Variants in ZBTB20 observed in about 807,000 individuals in gnomAD.
The protein encoded by ZBTB20 is zinc finger and BTB domain-containing protein 20.
In ZBTB20, 9 loss-of-function variants were observed where a neutral mutation model predicts 56.9. The observed-to-expected ratio is 0.16, with a 90% CI of 0.10 to 0.28. ZBTB20 has a LOEUF of 0.28. Among genes scored for constraint, ZBTB20 ranks in the 10% least tolerant of loss-of-function variants. ZBTB20 has a pLI of 1.00. For missense variants in ZBTB20, 655 were observed against 1,003.0 expected, an observed-to-expected ratio of 0.65 and a Z score of 4.69; for synonymous variants, 417 against 420.7, an observed-to-expected ratio of 0.99 and a Z score of 0.11.
chr3:114,605,184 G>C (rs1227101443), intron 6 of ZBTB20, among the ~76,000 whole-genome samples: 1 of 152,008 alleles, frequency 6.6e-6, no homozygotes, highest in East Asian at 1.9e-4. Flanking sequence ...AAATGTAATA[G>C]TATAATTTTT....
intron 2 of ZBTB20, among the ~76,000 whole-genome samples, chr3:115,050,661 T>C (rs2081511486): frequency 6.6e-6 from 1 of 152,072 alleles, no homozygotes. Context: ...CCATAAATAT[T>C]CAGTCACATA....
intron 3 of ZBTB20, among the ~76,000 whole-genome samples, chr3:114,946,898 A>C (rs2076905384): frequency 6.9e-6 from 1 of 145,922 alleles, no homozygotes; most frequent in Non-Finnish European, 1.5e-5. Context: ...AAATATGTAC[A>C]AACTATCAAT....
At chr3:114,510,888 G>A (rs1363964215) in intron 6 of ZBTB20, among the ~76,000 whole-genome samples, 1 of 151,972 alleles carries the variant, frequency 6.6e-6, no homozygotes, top group African/African-American at 2.4e-5. Context: ...TTCAAGAGAA[G>A]GGCCTTTTTT....
intron 6 of ZBTB20, among the ~76,000 whole-genome samples, chr3:114,677,387 A>T (rs991739525): frequency 2.0e-5 from 3 of 152,222 alleles, no homozygotes; most frequent in African/African-American, 7.2e-5. Flanking sequence ...TGAACAGTGG[A>T]CAAGCAAGCA....
chr3:114,384,388 C>G (rs1029468482), intron 8 of ZBTB20, among the ~76,000 whole-genome samples: 1 of 151,788 alleles, frequency 6.6e-6, no homozygotes, highest in Non-Finnish European at 1.5e-5. Context: ...CTGGGTGTAC[C>G]CTGAACACTT....
chr3:114,717,611 A>G (rs575506189), intron 5 of ZBTB20, among the ~76,000 whole-genome samples: 6 of 152,272 alleles, frequency 3.9e-5, no homozygotes, highest in Non-Finnish European at 7.4e-5. Context: ...TTTATATGCT[A>G]TTCTTTTGAT....
At chr3:114,553,522 T>C (rs1014739069) in intron 6 of ZBTB20, among the ~76,000 whole-genome samples, 3 of 152,088 alleles carry the variant, frequency 2.0e-5, no homozygotes, top group African/African-American at 4.8e-5. Flanking sequence ...AGAGATGAAC[T>C]ATAGCTTTCC....
At position 114,613,546 on chromosome 3, in the gene ZBTB20, CAAT is replaced by C. The variant is rs2057710119; in HGVS notation, c.-295+79979_-295+79981del. On this transcript the variant is annotated intron_variant, in intron 6 of 11. Transcript: ENST00000675478. ...GTAATAAGATGAGAGCAGCCAGAGA[CAAT>C]GAGTAGGTAATAGGAGTGAGGCCCA... 2.0e-5 allele frequency among the ~76,000 whole-genome samples: 3 copies of C among 152,094 alleles called. No homozygotes were observed. The South Asian group carries it at 6.2e-4, about 32-fold the overall frequency.
intron 2 of ZBTB20, among the ~76,000 whole-genome samples, chr3:115,045,886 T>C (rs1361607755): frequency 1.3e-5 from 2 of 152,206 alleles, no homozygotes; most frequent in Non-Finnish European, 2.9e-5. Flanking sequence ...TGGCAACTGC[T>C]AGATCACTTG....
chr3:114,787,368 T>TATATACACACAC (rs1433434685), intron 5 of ZBTB20, among the ~76,000 whole-genome samples: 1 of 106,330 alleles, frequency 9.4e-6, no homozygotes, highest in African/African-American at 4.5e-5. Flanking sequence ...TATATATATA[T>TATATACACACAC]ACACACACAC....
Position 114,351,354 on chromosome 3 carries a change from T to C in ZBTB20, c.724A>G (p.Arg242Gly), listed in dbSNP as rs1476338986. 1 of 1,610,144 alleles carries C rather than the reference T, an allele frequency of 6.2e-7. No homozygotes were observed. Among genetic ancestry groups the C allele is most frequent in the Non-Finnish European group, 8.5e-7 (1 of 1,179,140 alleles). Residue 242 changes from arginine to glycine, a missense_variant, in exon 11 of 12, where the codon AGG becomes GGG. Arg to Gly is a moderately radical substitution (Grantham distance 125). This residue lies in a region of ZBTB20 where 167 missense variants were observed against 281.9 expected (regional missense o/e 0.59). Coordinates refer to ENST00000675478, the MANE Select transcript of ZBTB20 (RefSeq NM_001348800.3). ...LQSHPQHSVDRIYSALYACSM... is the reference protein window; with the variant it reads ...LQSHPQHSVDGIYSALYACSM... ...CACGCGTAGAGTGCCGAGTAGATCC[T>C]GTCCACGCTGTGCTGTGGGTGGCTC...
intron 5 of ZBTB20, among the ~76,000 whole-genome samples, chr3:114,726,337 A>C (rs1213319163): frequency 1.3e-5 from 2 of 152,232 alleles, no homozygotes. Context: ...GAAGTAGAAC[A>C]ACAGAGGGTT....
At chr3:114,696,573 A>T (rs1186982364) in intron 5 of ZBTB20, among the ~76,000 whole-genome samples, 1 of 152,072 alleles carries the variant, frequency 6.6e-6, no homozygotes, top group Non-Finnish European at 1.5e-5. Context: ...GAAACTAAAA[A>T]GGAAGACCAA....
At chr3:114,436,207 G>C (rs2090504207) in intron 7 of ZBTB20, among the ~76,000 whole-genome samples, 1 of 152,152 alleles carries the variant, frequency 6.6e-6, no homozygotes, top group Admixed American at 6.5e-5. Flanking sequence ...TTTGATTCTT[G>C]TGCTGACATT....
At chr3:114,466,524 C>T (rs2092561445) in intron 7 of ZBTB20, among the ~76,000 whole-genome samples, 1 of 152,174 alleles carries the variant, frequency 6.6e-6, no homozygotes, top group Non-Finnish European at 1.5e-5. Flanking sequence ...TCACATGTTA[C>T]CCAGCCAATA....
At position 114,319,280 on chromosome 3, in the gene ZBTB20, C is replaced by G. The variant is rs566490804; in HGVS notation, c.*19725G>C. 1 of 151,464 alleles carries G rather than the reference C, an allele frequency of 6.6e-6. No individual in the cohort carries two copies. The highest frequency in any genetic ancestry group is 2.4e-5 in the African/African-American group (1 of 41,186). 9.4% of individuals were successfully genotyped at this position (151,464 alleles called of 1,614,324 possible). ...CTTCCTTTCCAAAAAAGATTCTTCACAAAAAAATGTAGAAAAAATTCCAAC... is the reference window on the plus strand; with the variant it reads ...CTTCCTTTCCAAAAAAGATTCTTCAGAAAAAAATGTAGAAAAAATTCCAAC... On this transcript the variant is annotated 3_prime_UTR_variant, in exon 12 of 12. Coordinates refer to ENST00000675478, the MANE Select transcript of ZBTB20 (RefSeq NM_001348800.3).
At chr3:114,873,326 C>G (rs1023184972) in intron 4 of ZBTB20, 1 of 152,024 alleles carries the variant, frequency 6.6e-6, no homozygotes, top group Non-Finnish European at 1.5e-5. Flanking sequence ...AAGGAATTAA[C>G]GGGTTCATAT....
rs138352638 is a variant in ZBTB20, at chr3:114,400,152, C to T, written c.-254-11047G>A. 7.5e-3 allele frequency among the ~76,000 whole-genome samples: 1,139 copies of T among 152,180 alleles called. 13 individuals carry two copies. Among genetic ancestry groups the T allele is most frequent in the Non-Finnish European group, 6.5e-3 (441 of 68,002 alleles). On this transcript the variant is annotated intron_variant, in intron 7 of 11. Coordinates refer to ENST00000675478, the MANE Select transcript of ZBTB20 (RefSeq NM_001348800.3). ...ACTAGATGGAGAATCAGAAGATCTG[C>T]CTTGTCTTCCTGGATCTGGTAAGAA...
intron 5 of ZBTB20, among the ~76,000 whole-genome samples, chr3:114,775,994 C>T (rs1266861058): frequency 6.6e-6 from 1 of 151,188 alleles, no homozygotes; most frequent in Non-Finnish European, 1.5e-5. Context: ...AATCTTGATG[C>T]CTGGATCTGC....
Sources: allele counts gnomAD v4.1 joint callset (sites outside exome capture counted in the v4.1 genomes callset), GRCh38; gene constraint gnomAD v4.1.1; regional missense constraint gnomAD v4.1.1; transcripts MANE v1.5; gene names NCBI Gene and HGNC (gene_info 2026-07-23, HGNC 2026-07-21).